The following KRT77 variants were observed in gnomAD, a reference collection of about 807,000 sequenced individuals.
The protein encoded by KRT77 is keratin 77, also known as keratin, type II cytoskeletal 1b.
In KRT77, 44 loss-of-function variants were observed where a neutral mutation model predicts 51.5. The ratio of observed to expected loss-of-function variants is 0.85; its 90% CI spans 0.67 to 1.10. The LOEUF is 1.10. Ranked by LOEUF, KRT77 falls within the 50% of genes least tolerant of loss-of-function variation. KRT77 has a pLI of 0.00. For missense variants in KRT77, 763 were observed against 743.9 expected (o/e 1.03, Z -0.30); for synonymous variants, 293 against 302.0 (o/e 0.97, Z 0.31).
rs141845183 is a variant in KRT77 at position 52,694,452 on chromosome 12, T to C, written c.1080+174A>G. ...AGCGACAAAGAACTGGTAGAAGAGA[T>C]ATTAACATATTAATAGCGGTAGTGA... On this transcript the variant is annotated intron_variant, in intron 5 of 8. Transcript: ENST00000341809. Among the ~76,000 whole-genome samples, 26 of 152,364 alleles carry C rather than the reference T, an allele frequency of 1.7e-4. No homozygotes were observed. The East Asian group carries it at 3.5e-3, about 20-fold the overall frequency.
Position 52,697,714 on chromosome 12 carries a change from G to T in KRT77, c.726C>A (p.Ser242Arg), listed in dbSNP as rs1461331229. ...EQMRQNAEVR[S>R]MQDVVEDYKS... is the part of the protein sequence containing the mutation. ...TGTAGTCCTCCACGACATCCTGCAT[G>T]CTCCTGACCTCCGCGTTCTGGCGCA... The change falls in exon 2 of 9, where the codon AGC (serine) becomes AGA (arginine). Residue 242 changes from serine (S) to arginine (R), a missense_variant. Ser to Arg is a moderately radical substitution (Grantham distance 110, BLOSUM62 -1). Transcript: ENST00000341809. 1 of 1,613,926 alleles carries T rather than the reference G, an allele frequency of 6.2e-7. No homozygotes were observed. The highest frequency in any genetic ancestry group is 1.1e-5 in the South Asian group (1 of 91,080).
rs949842506 is a variant in KRT77 at position 52,703,425 on chromosome 12, G to C, written c.10C>G (p.Gln4Glu). The C allele has an allele frequency of 2.7e-5, 42 of 1,573,856 alleles. No individual in the cohort carries two copies. Among genetic ancestry groups the C allele is most frequent in the Non-Finnish European group, 3.6e-5 (42 of 1,154,942 alleles). The change falls in exon 1 of 9, where the codon CAA becomes GAA. Residue 4 changes from glutamine to glutamate, a missense_variant. Transcript: ENST00000341809. ...CTAAACGCGGACTGAGAACTAAATT[G>C]GTGGCTCATGTTTGCTGGAGCATCC... MSH[Q>E]FSSQSAFSSM...
Position 52,697,783 on chromosome 12 carries a change from G to A in KRT77, c.657C>T (p.Ile219=), listed in dbSNP as rs760106782. Residue 219 remains isoleucine (I), a synonymous_variant, in exon 2 of 9, where the codon ATC becomes ATT. Transcript: ENST00000341809. ...AATCCACCTGCCTCCGCAGGTCACCGATGTAGTTCTCCAAGAGGGGCTCCA... is the reference window on the plus strand; with the variant it reads ...AATCCACCTGCCTCCGCAGGTCACCAATGTAGTTCTCCAAGAGGGGCTCCA... ...NNLEPLLENY[I]GDLRRQVDLL... is the part of the protein sequence containing the mutation. The A allele has an allele frequency of 2.5e-6, 4 of 1,614,058 alleles. No individual in the cohort carries two copies. The highest frequency in any genetic ancestry group is 2.5e-6 in the Non-Finnish European group (3 of 1,179,962).
Position 52,691,130 on chromosome 12 carries a change from A to G in KRT77, c.*35T>C, listed in dbSNP as rs758490637. On this transcript the variant is annotated 3_prime_UTR_variant, in exon 9 of 9. Transcript: ENST00000341809. ...GGAGGAGTTTGAGGAGAGGGCGGTG[A>G]GGGGCAGGCGTGATGTGTGGCAGAA... is the stretch of plus-strand genomic sequence containing the variant. 1 of 1,613,580 alleles carries G rather than the reference A, an allele frequency of 6.2e-7. No homozygotes were observed. Among genetic ancestry groups the G allele is most frequent in the Admixed American group, 1.7e-5 (1 of 59,962 alleles).
Position 52,690,466 on chromosome 12 carries a change from G to GTAT in KRT77, c.*698_*699insATA. 6.4e-6 allele frequency: 1 copy of GTAT among 155,256 alleles called. No individual in the cohort carries two copies. Among genetic ancestry groups the GTAT allele is most frequent in the Non-Finnish European group, 1.4e-5 (1 of 69,936 alleles). The allele number at this position is 155,256 out of a possible 1,614,324, so 9.6% of individuals were successfully genotyped here. Reference sequence around the variant, plus strand: ...AGTGTATGAGGCTATGGACCAAGAGGCAGGAATAGGCCGCTGGTGCAGAGG... The same window carrying GTAT: ...AGTGTATGAGGCTATGGACCAAGAGGTATCAGGAATAGGCCGCTGGTGCAGAGG... On this transcript the variant is annotated 3_prime_UTR_variant, in exon 9 of 9. Transcript: ENST00000341809.
intron 3 of KRT77, 29 bp downstream of exon 3, chr12:52,696,341 G>T: frequency 6.2e-7 from 1 of 1,610,416 alleles, no homozygotes; most frequent in Non-Finnish European, 8.5e-7. Flanking sequence ...TGGGTCCACA[G>T]CCACCCTCAG....
chr12:52,690,126 T>C lies in KRT77; in HGVS notation c.*1039A>G, dbSNP rs1386763021. ...GGATGGAACAGAGCTGGGCTTCACA[T>C]GCCCACCCAATGGGGCAATTCTCAG... On this transcript the variant is annotated 3_prime_UTR_variant, in exon 9 of 9. Coordinates refer to ENST00000341809, the MANE Select transcript of KRT77 (RefSeq NM_175078.3). 1 of 152,224 alleles carries C rather than the reference T, an allele frequency of 6.6e-6. No homozygotes were observed. The allele number at this position is 152,224 out of a possible 1,614,324, so 9.4% of individuals were successfully genotyped here.
At chr12:52,702,295 G>A (rs913066281) in intron 1 of KRT77, among the ~76,000 whole-genome samples, 6 of 152,334 alleles carry the variant, frequency 3.9e-5, no homozygotes, top group Non-Finnish European at 7.3e-5. Context: ...CTGGCACGAT[G>A]TCTGGCCTAT....
chr12:52,697,362 T>C (rs56296476), intron 2 of KRT77, among the ~76,000 whole-genome samples: 22,816 of 152,270 alleles, frequency 0.15, 2,235 homozygotes, highest in Middle Eastern at 0.28. Context: ...ACATTACTAA[T>C]GTGAACACTA....
chr12:52,702,577 T>C (rs1014179576), intron 1 of KRT77, among the ~76,000 whole-genome samples: 2 of 140,590 alleles, frequency 1.4e-5, no homozygotes, highest in Non-Finnish European at 1.5e-5. Flanking sequence ...TATAAATGGA[T>C]TGTGTGGATG....
chr12:52,691,998 C>G (rs763235800), intron 7 of KRT77, 26 bp from the exon 8 acceptor site: 26 of 1,613,382 alleles, frequency 1.6e-5, no homozygotes, highest in Non-Finnish European at 2.1e-5. Context: ...ACACGGTCAG[C>G]CAGACCCACA....
In KRT77 at chr12:52,691,368, C is replaced by T. The variant is rs1457380166; in HGVS notation, c.1534G>A (p.Gly512Ser). ...GGGSYGSGGY[G>S]GGSGGGYGGG... ...CCATAGCCCCCACCGCTGCCGCCGC[C>T]GTAGCCTCCTGAGCCGTAGCTGCCG... The change falls in exon 9 of 9, where the codon GGC becomes AGC. Residue 512 changes from glycine (G) to serine (S), a missense_variant. By Grantham distance (56) the Gly-to-Ser change is moderately conservative. Coordinates refer to ENST00000341809, the MANE Select transcript of KRT77 (RefSeq NM_175078.3). 1.1e-5 allele frequency: 18 copies of T among 1,603,864 alleles called. No homozygotes were observed. Among genetic ancestry groups the T allele is most frequent in the East Asian group, 4.5e-5 (2 of 44,626 alleles).
At chr12:52,698,325 T>C in intron 1 of KRT77, 1 of 482,920 alleles carries the variant, frequency 2.1e-6, no homozygotes, top group Non-Finnish European at 4.0e-6. Context: ...AAGGATCAAT[T>C]TGGCTTAGAA....
intron 4 of KRT77, 60 bp downstream of exon 4, chr12:52,695,712 G>A (rs1565653065): frequency 8.2e-7 from 1 of 1,222,784 alleles, no homozygotes; most frequent in Non-Finnish European, 1.2e-6. Context: ...CCCTCTTACA[G>A]CCCATACTCC....
rs1311644500 is a variant in KRT77, at chr12:52,697,839, G to A, written c.601C>T (p.Gln201Ter). The A allele has an allele frequency of 1.9e-6, 3 of 1,614,016 alleles. No homozygotes were observed. The highest frequency in any genetic ancestry group is 2.5e-6 in the Non-Finnish European group (3 of 1,180,002). ...TTGGTTCCAGTTGAGGTGTTCACCT[G>A]CTGCAGCAACTCCCATTTTGTTTGT... Reference protein sequence around the residue: ...VLQTKWELLQQVNTSTGTNNL... With the variant: ...VLQTKWELLQ Residue 201 changes from glutamine to a stop codon, truncating the protein, a stop_gained, in exon 2 of 9, where the codon CAG becomes TAG. Coordinates refer to ENST00000341809, the MANE Select transcript of KRT77 (RefSeq NM_175078.3). LOFTEE classifies it high-confidence loss of function.
intron 1 of KRT77, among the ~76,000 whole-genome samples, chr12:52,702,097 A>G (rs1050684556): frequency 6.6e-5 from 10 of 152,232 alleles, no homozygotes; most frequent in Admixed American, 6.5e-4. Context: ...TACTAAAATT[A>G]GAACCCATTT....
intron 5 of KRT77, among the ~76,000 whole-genome samples, chr12:52,693,086 A>G (rs1441128939): frequency 6.6e-6 from 1 of 150,408 alleles, no homozygotes; most frequent in Non-Finnish European, 1.5e-5. Flanking sequence ...CACTATCCCA[A>G]GCCTCCCGCA....
rs778047670 is a variant in KRT77 at position 52,697,692 on chromosome 12, A to AAG, written c.747_748insCT (p.Tyr250LeufsTer23). The AAG allele has an allele frequency of 6.2e-7, 1 of 1,610,646 alleles. No homozygotes were observed. Among genetic ancestry groups the AAG allele is most frequent in the South Asian group, 1.1e-5 (1 of 91,020 alleles). On this transcript the variant is annotated frameshift_variant, in exon 2 of 9. Transcript: ENST00000341809. LOFTEE classifies it high-confidence loss of function. Reference sequence around the variant, plus strand: ...TGCCTGGAGTCTCACTTGCTCTTGTAGTCCTCCACGACATCCTGCATGCTC... The same window carrying AAG: ...TGCCTGGAGTCTCACTTGCTCTTGTAAGGTCCTCCACGACATCCTGCATGCTC...
At chr12:52,691,602 C>A (rs925810161) in intron 8 of KRT77, among the ~76,000 whole-genome samples, 163 bp from the exon 9 acceptor site, 56 of 152,224 alleles carry the variant, frequency 3.7e-4, no homozygotes, top group African/African-American at 1.3e-3. Flanking sequence ...GAAAAGTATT[C>A]TTCATACTAC....
Sources: gnomAD v4.1 joint callset for allele counts (sites outside exome capture counted in the v4.1 genomes callset) on GRCh38, gnomAD v4.1.1 for gene constraint, MANE v1.5 for transcripts, NCBI Gene and HGNC (gene_info 2026-07-23, HGNC 2026-07-21) for gene names.